LRP1B: variants seen among roughly 807,000 people sequenced by gnomAD.
The protein encoded by LRP1B is low-density lipoprotein receptor-related protein 1B.
In LRP1B, 217 loss-of-function variants were observed where a neutral mutation model predicts 556.6. That is an observed-to-expected ratio of 0.39 (90% CI 0.35 to 0.44). The LOEUF (loss-of-function observed/expected upper bound fraction) is 0.44. LRP1B is among the 20% of genes least tolerant of loss of function. LRP1B has a pLI of 1.00. For synonymous variants in LRP1B, 2,047 were observed against 1,865.8 expected (o/e 1.10, Z -2.50); for missense variants, 5,053 against 5,620.8 (o/e 0.90, Z 3.23).
At chr2:141,873,788 C>A (rs1698667734) in intron 1 of LRP1B, among the ~76,000 whole-genome samples, 1 of 148,954 alleles carries the variant, frequency 6.7e-6, no homozygotes, top group Non-Finnish European at 1.5e-5. Context: ...CTGGTAGGAA[C>A]ATGGGATGAG....
At chr2:141,145,140 T>C (rs1032262784) in intron 7 of LRP1B, among the ~76,000 whole-genome samples, 1 of 152,222 alleles carries the variant, frequency 6.6e-6, no homozygotes, top group African/African-American at 2.4e-5. Flanking sequence ...TGGACAATAT[T>C]AGATTCGCAT....
chr2:141,733,072 T>A (rs1205138456), intron 2 of LRP1B, among the ~76,000 whole-genome samples: 1 of 152,078 alleles, frequency 6.6e-6, no homozygotes, highest in East Asian at 1.9e-4. Context: ...GGGCTTTAAG[T>A]ATTCTGATAC....
chr2:140,287,528 A>G (rs571717453), intron 84 of LRP1B, among the ~76,000 whole-genome samples: 1 of 151,824 alleles, frequency 6.6e-6, no homozygotes, highest in South Asian at 2.1e-4. Flanking sequence ...GATCATCATT[A>G]TAAATCTTCC....
intron 41 of LRP1B, among the ~76,000 whole-genome samples, chr2:140,684,307 C>T (rs1325230332): frequency 6.6e-6 from 1 of 152,156 alleles, no homozygotes; most frequent in Non-Finnish European, 1.5e-5. Flanking sequence ...TTCTCTAATG[C>T]TGGCAGAAAA....
chr2:141,649,556 G>A (rs355565), intron 2 of LRP1B, among the ~76,000 whole-genome samples: 137,850 of 152,230 alleles, frequency 0.91, 62,459 homozygotes, highest in African/African-American at 0.93. Flanking sequence ...AAGTTGTATT[G>A]ATGTCTCTTT....
At chr2:140,920,829 C>T (rs1057481170) in intron 21 of LRP1B, among the ~76,000 whole-genome samples, 1 of 151,880 alleles carries the variant, frequency 6.6e-6, no homozygotes, top group Admixed American at 6.6e-5. Flanking sequence ...TACCTAAAAA[C>T]TATTTGGTAG....
chr2:140,608,637 T>G (rs1682956847), intron 41 of LRP1B, among the ~76,000 whole-genome samples: 1 of 152,220 alleles, frequency 6.6e-6, no homozygotes, highest in African/African-American at 2.4e-5. Flanking sequence ...CCAAGCAGTT[T>G]TAATTTCCTG....
intron 41 of LRP1B, among the ~76,000 whole-genome samples, chr2:140,659,098 GTTTTTTTT>G (rs59651364): frequency 3.3e-5 from 2 of 61,098 alleles, no homozygotes; most frequent in Non-Finnish European, 5.5e-5. Flanking sequence ...CTGTAAATCT[GTTTTTTTT>G]TTTTTTTTTT....
intron 2 of LRP1B, among the ~76,000 whole-genome samples, chr2:141,637,904 C>T (rs998332386): frequency 2.0e-5 from 3 of 152,124 alleles, no homozygotes; most frequent in South Asian, 2.1e-4. Flanking sequence ...AATTGGTTCA[C>T]AAGAGATCTG....
At chr2:140,671,413 T>G (rs919762590) in intron 41 of LRP1B, among the ~76,000 whole-genome samples, 1 of 152,096 alleles carries the variant, frequency 6.6e-6, no homozygotes, top group Non-Finnish European at 1.5e-5. Context: ...ACCAGCTACT[T>G]GGGAGGCTGA....
At chr2:141,663,890 T>C (rs1270002834) in intron 2 of LRP1B, among the ~76,000 whole-genome samples, 1 of 143,080 alleles carries the variant, frequency 7.0e-6, no homozygotes, top group Non-Finnish European at 1.5e-5. Context: ...TAAGGTATCA[T>C]CCTAATACCA....
intron 31 of LRP1B, among the ~76,000 whole-genome samples, chr2:140,824,008 G>A (rs1277422077): frequency 2.6e-5 from 4 of 151,648 alleles, no homozygotes; most frequent in African/African-American, 9.7e-5. Flanking sequence ...TAATACCTGG[G>A]TGATGAAATG....
chr2:141,042,904 G>T (rs1004502), intron 11 of LRP1B, among the ~76,000 whole-genome samples: 16,312 of 151,440 alleles, frequency 0.11, 1,218 homozygotes, highest in East Asian at 0.37. Context: ...CATACTTTAC[G>T]TAAAATTATA....
chr2:140,803,668 A>T (rs1293046533), intron 32 of LRP1B, among the ~76,000 whole-genome samples: 2 of 151,922 alleles, frequency 1.3e-5, no homozygotes, highest in African/African-American at 4.8e-5. Flanking sequence ...AAACATCAAC[A>T]ATAAACACAG....
At chr2:141,504,018 G>A (rs1041231916) in intron 2 of LRP1B, among the ~76,000 whole-genome samples, 1 of 152,072 alleles carries the variant, frequency 6.6e-6, no homozygotes, top group Non-Finnish European at 1.5e-5. Flanking sequence ...AACGATTTAG[G>A]CTATTGGATT....
chr2:141,815,381 C>G (rs1866027), intron 1 of LRP1B, among the ~76,000 whole-genome samples: 1 of 151,890 alleles, frequency 6.6e-6, no homozygotes, highest in East Asian at 1.9e-4. Flanking sequence ...ACTTTTCTGT[C>G]GTACAAGAGG....
At position 141,334,799 on chromosome 2, in the gene LRP1B, G is replaced by A. The variant is rs144105865; in HGVS notation, c.344-80158C>T. The stretch of plus-strand genomic sequence containing the variant: ...ACTCCTGACCTCAGATGATCTGCCC[G>A]CCTCAGCCTCCCAAAGTGCTGGGAT... On this transcript the variant is annotated intron_variant, in intron 3 of 90. Coordinates refer to ENST00000389484, the MANE Select transcript of LRP1B (RefSeq NM_018557.3). Among the ~76,000 whole-genome samples the A allele has an allele frequency of 2.5e-4, 38 of 152,222 alleles. No individual in the cohort carries two copies. In the East Asian group the frequency reaches 6.8e-3, roughly 27 times the overall value.
intron 83 of LRP1B, among the ~76,000 whole-genome samples, chr2:140,314,396 TAATAATAATCTC>T (rs1452570266): frequency 6.6e-6 from 1 of 152,028 alleles, no homozygotes; most frequent in Non-Finnish European, 1.5e-5. Flanking sequence ...TTGCATAAAT[TAATAATAATCTC>T]AAATATATCC....
chr2:141,936,542 C>T (rs1402601270), intron 1 of LRP1B, among the ~76,000 whole-genome samples: 1 of 152,144 alleles, frequency 6.6e-6, no homozygotes, highest in East Asian at 1.9e-4. Flanking sequence ...TTAGACTTTC[C>T]AGCCTCCAGA....
Sources: gnomAD v4.1 joint callset for allele counts (sites outside exome capture counted in the v4.1 genomes callset) on GRCh38, gnomAD v4.1.1 for gene constraint, MANE v1.5 for transcripts, NCBI Gene and HGNC (gene_info 2026-07-23, HGNC 2026-07-21) for gene names.